The following RADIL variants were observed in gnomAD, a reference collection of about 807,000 sequenced individuals.
RADIL encodes Rap associating with DIL domain.
Under a neutral mutation model 97.6 loss-of-function variants are expected in RADIL, and 99 were observed. That is an observed-to-expected ratio of 1.01 (90% CI 0.86 to 1.20). The LOEUF (loss-of-function observed/expected upper bound fraction) is 1.20. Among genes scored for constraint, RADIL ranks in the 50% most tolerant of loss-of-function variants. The probability of loss-of-function intolerance (pLI) is 0.00; values close to 1 mark genes in which losing one functional copy is unlikely to be tolerated. For missense variants in RADIL, 1,765 were observed against 1,498.9 expected (o/e 1.18, Z -2.93); for synonymous variants, 803 against 691.8 (o/e 1.16, Z -2.52).
At chr7:4,806,466 T>C (rs1583264147) in intron 9 of RADIL, among the ~76,000 whole-genome samples, 1 of 152,160 alleles carries the variant, frequency 6.6e-6, no homozygotes, top group Non-Finnish European at 1.5e-5. Flanking sequence ...GGATTGCAGG[T>C]ATGAGCCACT....
intron 2 of RADIL, chr7:4,862,098 G>A (rs1784028190): frequency 8.5e-6 from 3 of 351,780 alleles, no homozygotes. Flanking sequence ...ACAGCGTTCT[G>A]GGCTGGGGCT....
rs541668761 is a variant in RADIL, at chr7:4,842,916, T to C, written c.536-6311A>G. Among the ~76,000 whole-genome samples the C allele has an allele frequency of 1.3e-5, 2 of 151,704 alleles. No individual in the cohort carries two copies. The highest frequency in any genetic ancestry group is 4.2e-4 in the South Asian group (2 of 4,802). On this transcript the variant is annotated intron_variant, in intron 2 of 14. Coordinates refer to ENST00000399583, the MANE Select transcript of RADIL (RefSeq NM_018059.5). The surrounding 1 kb of genome is among the most constrained non-coding windows in gnomAD (Gnocchi z 4.5). ...TGTGGATTCACAGGCGTGGTCACCATAATACCCTGCAGCCTCGAAATTCTG... is the reference window on the plus strand; with the variant it reads ...TGTGGATTCACAGGCGTGGTCACCACAATACCCTGCAGCCTCGAAATTCTG...
Position 4,814,180 on chromosome 7 carries a change from T to G in RADIL, c.2139+1098A>C, listed in dbSNP as rs1782616000. On this transcript the variant is annotated intron_variant, in intron 9 of 14. Transcript: ENST00000399583. This position sits in a 1 kb window ranked among gnomAD's most constrained non-coding sequence, Gnocchi z 4.5. ...TCCTCTAGATTTTATCCTCATGGGT[T>G]TGTGGCATTAAAAAGCATTGCTTTA... 6.6e-6 allele frequency among the ~76,000 whole-genome samples: 1 copy of G among 152,224 alleles called. No individual in the cohort carries two copies.
intron 2 of RADIL, chr7:4,860,200 A>C: frequency 6.2e-7 from 1 of 1,614,062 alleles, no homozygotes; most frequent in South Asian, 1.1e-5. Context: ...TAGTAGATGA[A>C]GGCACAGACA....
chr7:4,799,679 G>C lies in RADIL; in HGVS notation c.3073C>G (p.Arg1025Gly). The change falls in exon 14 of 15, where the codon CGT becomes GGT. Residue 1025 changes from arginine (R) to glycine (G), a missense_variant. Physicochemically the swap from Arg to Gly is moderately radical, Grantham distance 125 (BLOSUM62 -2). Coordinates refer to ENST00000399583, the MANE Select transcript of RADIL (RefSeq NM_018059.5). ...AADGRLSLGD[R>G]ILEVNGSSLL... ...CTGCTGCCATTCACCTCCAGGATAC[G>C]GTCCCCCAGCGACAGGCGCCCGTCG... The C allele has an allele frequency of 6.3e-7, 1 of 1,591,838 alleles. No individual in the cohort carries two copies. Among genetic ancestry groups the C allele is most frequent in the Non-Finnish European group, 8.5e-7 (1 of 1,170,472 alleles).
At position 4,813,605 on chromosome 7, in the gene RADIL, C is replaced by G. The variant is rs939145708; in HGVS notation, c.2139+1673G>C. On this transcript the variant is annotated intron_variant, in intron 9 of 14. Coordinates refer to ENST00000399583, the MANE Select transcript of RADIL (RefSeq NM_018059.5). This position sits in a 1 kb window ranked among gnomAD's most constrained non-coding sequence, Gnocchi z 5.0. ...TGGACAAAGCCTAGATTCTCAGCCTCACACCGTCACCTGCTCCCAGGACAG... is the reference window on the plus strand; with the variant it reads ...TGGACAAAGCCTAGATTCTCAGCCTGACACCGTCACCTGCTCCCAGGACAG... 2.0e-5 allele frequency among the ~76,000 whole-genome samples: 3 copies of G among 152,228 alleles called. No homozygotes were observed. The highest frequency in any genetic ancestry group is 4.8e-5 in the African/African-American group (2 of 41,446).
intron 5 of RADIL, among the ~76,000 whole-genome samples, chr7:4,830,259 A>G (rs867391731): frequency 6.6e-5 from 10 of 152,150 alleles, no homozygotes; most frequent in Admixed American, 6.5e-4. Flanking sequence ...CACCAGGAGG[A>G]GACATGTGGC....
At chr7:4,848,360 A>T (rs914691032) in intron 2 of RADIL, among the ~76,000 whole-genome samples, 18 of 151,702 alleles carry the variant, frequency 1.2e-4, no homozygotes, top group African/African-American at 4.1e-4. Context: ...AAGTTTTTTA[A>T]AAAAAAAACC....
intron 2 of RADIL, chr7:4,860,925 G>A (rs566900862): frequency 6.2e-7 from 1 of 1,614,252 alleles, no homozygotes; most frequent in Non-Finnish European, 8.5e-7. Flanking sequence ...GGCAAATTAA[G>A]ATTCCGTTCT....
chr7:4,827,461 A>T (rs978045153), intron 5 of RADIL, among the ~76,000 whole-genome samples: 2 of 151,320 alleles, frequency 1.3e-5, no homozygotes, highest in South Asian at 4.2e-4. Context: ...GGCGATCAAG[A>T]CCATCCTGGC....
At chr7:4,802,587 TG>T (rs1180073610) in intron 11 of RADIL, among the ~76,000 whole-genome samples, 2 of 120,928 alleles carry the variant, frequency 1.7e-5, no homozygotes, top group African/African-American at 3.2e-5. Flanking sequence ...GCACTCTAGC[TG>T]GGGGGCCCCC....
At chr7:4,820,124 G>A (rs1216551458) in intron 6 of RADIL, among the ~76,000 whole-genome samples, 1 of 152,220 alleles carries the variant, frequency 6.6e-6, no homozygotes, top group African/African-American at 2.4e-5. Context: ...GGGCTCCTAA[G>A]CTGGCCCCGT....
intron 10 of RADIL, among the ~76,000 whole-genome samples, chr7:4,805,087 CT>C (rs1470156953): frequency 1.3e-5 from 2 of 151,942 alleles, no homozygotes; most frequent in East Asian, 1.9e-4. Flanking sequence ...GAGCAAGACT[CT>C]TGTCTCAAAA....
intron 4 of RADIL, among the ~76,000 whole-genome samples, chr7:4,832,741 CAAA>C (rs71032992): frequency 2.1e-4 from 14 of 66,516 alleles, no homozygotes; most frequent in Admixed American, 1.8e-4. Flanking sequence ...TCCGTCTCAG[CAAA>C]AAAAAAAAAA....
Position 4,867,502 on chromosome 7 carries a change from C to G in RADIL, c.535+10103G>C, listed in dbSNP as rs1784156056. ...AGGTGTCAAAAACATAATGTGAGGC[C>G]AGGTGTGGTGGCTCATGGCTGTAAT... On this transcript the variant is annotated intron_variant, in intron 2 of 14. Coordinates refer to ENST00000399583, the MANE Select transcript of RADIL (RefSeq NM_018059.5). The surrounding 1 kb of genome is among the most constrained non-coding windows in gnomAD (Gnocchi z 4.1). Among the ~76,000 whole-genome samples the G allele has an allele frequency of 6.6e-6, 1 of 152,052 alleles. No individual in the cohort carries two copies. Among genetic ancestry groups the G allele is most frequent in the Non-Finnish European group, 1.5e-5 (1 of 68,010 alleles).
intron 3 of RADIL, among the ~76,000 whole-genome samples, chr7:4,836,069 A>G (rs1783289844): frequency 6.6e-6 from 1 of 152,218 alleles, no homozygotes; most frequent in African/African-American, 2.4e-5. Flanking sequence ...AAGGCTGGGA[A>G]GGCGTGAGGA....
chr7:4,862,065 C>CGCCTGCGCACCCGCCGCG (rs1562455419), intron 2 of RADIL: 34 of 379,656 alleles, frequency 9.0e-5, no homozygotes, highest in African/African-American at 6.7e-4. Context: ...CACCCGCCGC[C>CGCCTGCGCACCCGCCGCG]AGCGCGAGGG....
chr7:4,867,597 T>G lies in RADIL; in HGVS notation c.535+10008A>C, dbSNP rs753661198. Among the ~76,000 whole-genome samples, 1 of 151,954 alleles carries G rather than the reference T, an allele frequency of 6.6e-6. No individual in the cohort carries two copies. Among genetic ancestry groups the G allele is most frequent in the Non-Finnish European group, 1.5e-5 (1 of 68,016 alleles). ...GGAGTTTGAGACCAGTCTGGCAACATAGTGAGGCCCTGTCTCTATTTTTAA... is the reference window on the plus strand; with the variant it reads ...GGAGTTTGAGACCAGTCTGGCAACAGAGTGAGGCCCTGTCTCTATTTTTAA... On this transcript the variant is annotated intron_variant, in intron 2 of 14. Coordinates refer to ENST00000399583, the MANE Select transcript of RADIL (RefSeq NM_018059.5). This position sits in a 1 kb window ranked among gnomAD's most constrained non-coding sequence, Gnocchi z 4.1.
Position 4,835,075 on chromosome 7 carries a change from G to A in RADIL, c.948C>T (p.Val316=), listed in dbSNP as rs1302050235. The A allele has an allele frequency of 6.2e-7, 1 of 1,607,718 alleles. No individual in the cohort carries two copies. Among genetic ancestry groups the A allele is most frequent in the Non-Finnish European group, 8.5e-7 (1 of 1,177,584 alleles). The change falls in exon 4 of 15, where the codon GTC becomes GTT. Residue 316 remains valine (V), a synonymous_variant. Transcript: ENST00000399583. The surrounding 1 kb of genome is among the most constrained non-coding windows in gnomAD (Gnocchi z 5.8). ...TGTGCGCCCCGGGGATGGGCTCCAGGACCAGCCTCCCCGCGGCCTGGCCGC... is the reference window on the plus strand; with the variant it reads ...TGTGCGCCCCGGGGATGGGCTCCAGAACCAGCCTCCCCGCGGCCTGGCCGC... The part of the protein sequence containing the change: ...PDSGQAAGRL[V]LEPIPGAHIS...
Sources: gnomAD v4.1 joint callset for allele counts (sites outside exome capture counted in the v4.1 genomes callset) on GRCh38, gnomAD v4.1.1 for gene constraint, Gnocchi (gnomAD v3.1) non-coding constraint, MANE v1.5 for transcripts, NCBI Gene and HGNC (gene_info 2026-07-23, HGNC 2026-07-21) for gene names.